SHROOM2: variants seen among roughly 807,000 people sequenced by gnomAD.
SHROOM2 encodes the protein shroom family member 2.
Under a neutral mutation model 75.9 loss-of-function variants are expected in SHROOM2, and 33 were observed. The observed-to-expected ratio is 0.43, with a 90% CI of 0.33 to 0.58. SHROOM2 has a LOEUF of 0.58. SHROOM2 is among the 20% of genes least tolerant of loss of function. The probability of loss-of-function intolerance (pLI) is 0.04; values close to 1 mark genes in which losing one functional copy is unlikely to be tolerated. For synonymous variants in SHROOM2, 655 were observed against 663.6 expected, an observed-to-expected ratio of 0.99 and a Z score of 0.20; for missense variants, 1,434 against 1,461.2, an observed-to-expected ratio of 0.98 and a Z score of 0.30.
rs2084331379 is a variant in SHROOM2, at chrX:9,896,385, C to T, written c.2477C>T (p.Pro826Leu). The T allele has an allele frequency of 3.3e-6, 4 of 1,211,447 alleles. No homozygotes were observed. The African/African-American group carries it at 5.2e-5, about 16-fold the overall frequency. Reference protein sequence around the residue: ...QALHGIPRDKPERPRTAGRTC... With the variant: ...QALHGIPRDKLERPRTAGRTC... ...CTTCACGGAATCCCGAGAGACAAGC[C>T]AGAGAGGCCGCGGACAGCGGGCCGC... Residue 826 changes from proline (P) to leucine (L), a missense_variant, in exon 4 of 10, where the codon CCA becomes CTA. By Grantham distance (98) the Pro-to-Leu change is moderately conservative. Transcript: ENST00000380913.
rs781021720 is a variant in SHROOM2, at chrX:9,896,643, C to T, written c.2735C>T (p.Pro912Leu). The stretch of plus-strand genomic sequence containing the variant: ...GTGAGCCTGGACCCACAGGAGAGGC[C>T]GCAGCACGTTCATGGGAGGTCCCGG... ...LDVSLDPQER[P>L]QHVHGRSRSS... The change falls in exon 4 of 10, where the codon CCG (proline) becomes CTG (leucine). Residue 912 changes from proline (P) to leucine (L), a missense_variant. This residue lies in a region of SHROOM2 where 1,340 missense variants were observed against 1,338.3 expected (regional missense o/e 1.00). Transcript: ENST00000380913. 5.8e-6 allele frequency: 7 copies of T among 1,205,436 alleles called. No homozygotes were observed. The East Asian group carries it at 8.9e-5, about 15-fold the overall frequency.
intron 1 of SHROOM2, among the ~76,000 whole-genome samples, chrX:9,807,134 G>A (rs5978341): frequency 0.023 from 2,579 of 111,878 alleles, 71 homozygotes; most frequent in African/African-American, 0.077. Flanking sequence ...CTGGATTCAG[G>A]AGCCTCATGA....
intron 5 of SHROOM2, among the ~76,000 whole-genome samples, chrX:9,925,353 G>T (rs1401713808): frequency 3.5e-5 from 4 of 112,715 alleles, no homozygotes; most frequent in African/African-American, 9.7e-5. Flanking sequence ...CACCTGCCTG[G>T]CAGCGTCTGA....
intron 1 of SHROOM2, among the ~76,000 whole-genome samples, chrX:9,816,309 G>A (rs954072872): frequency 1.8e-5 from 2 of 112,466 alleles, no homozygotes; most frequent in Admixed American, 9.4e-5. Flanking sequence ...CAGGCATAGC[G>A]CTTGTGATTT....
chrX:9,794,426 A>G (rs2083683721), intron 1 of SHROOM2, among the ~76,000 whole-genome samples: 1 of 110,727 alleles, frequency 9.0e-6, no homozygotes, highest in East Asian at 2.8e-4. Context: ...CTGGAGTGCA[A>G]TGGCGAGATC....
chrX:9,814,309 TA>T (rs913762368), intron 1 of SHROOM2, among the ~76,000 whole-genome samples: 2 of 111,822 alleles, frequency 1.8e-5, no homozygotes, highest in African/African-American at 6.5e-5. Context: ...AGTCCCTACT[TA>T]GTGGGCCCAA....
intron 5 of SHROOM2, among the ~76,000 whole-genome samples, chrX:9,931,654 C>A (rs939981437): frequency 3.6e-5 from 4 of 110,847 alleles, no homozygotes; most frequent in African/African-American, 9.8e-5. Context: ...TTTAAAAGAG[C>A]CTTTGTTGGT....
Position 9,875,080 on chromosome X carries a change from CAAAAAAAAAAAAA to C in SHROOM2, c.317+1295_317+1307del, listed in dbSNP as rs375824306. Among the ~76,000 whole-genome samples, 51 of 12,339 alleles carry C rather than the reference CAAAAAAAAAAAAA, an allele frequency of 4.1e-3. 2 individuals carry two copies. The highest frequency in any genetic ancestry group is 0.036 in the South Asian group (3 of 84). The allele number at this position is 12,339 out of a possible 115,157, so 10.7% of individuals were successfully genotyped here. A position where few individuals can be genotyped will look rare whatever the true frequency, so the allele number is the denominator to read the frequency against. On this transcript the variant is annotated intron_variant, in intron 2 of 9. Coordinates refer to ENST00000380913, the MANE Select transcript of SHROOM2 (RefSeq NM_001649.4). ...TGGGTGACAGAGCAAGACCCTGTCT[CAAAAAAAAAAAAA>C]AAAAAAAAAAAAAAAAAGGGGAGGA... is the stretch of plus-strand genomic sequence containing the variant.
At chrX:9,851,859 TTATTA>T in intron 1 of SHROOM2, among the ~76,000 whole-genome samples, 1 of 111,803 alleles carries the variant, frequency 8.9e-6, no homozygotes, top group Admixed American at 9.5e-5. Flanking sequence ...GTTCAAAACT[TTATTA>T]TATAGTAAAA....
At chrX:9,787,338 T>TTGTG (rs57947526) in intron 1 of SHROOM2, among the ~76,000 whole-genome samples, 729 of 108,818 alleles carry the variant, frequency 6.7e-3, no homozygotes, top group Non-Finnish European at 0.011. Context: ...ATCAGGAATG[T>TTGTG]TGTGTGTGTG....
chrX:9,897,680 C>CAAAAAAAAAAAAAAAAAAAAAAAA (rs56026461), intron 4 of SHROOM2, among the ~76,000 whole-genome samples: 7 of 70,611 alleles, frequency 9.9e-5, no homozygotes, highest in African/African-American at 4.2e-4. Context: ...GACCCTGTCT[C>CAAAAAAAAAAAAAAAAAAAAAAAA]AAAAAAAAAA....
chrX:9,934,309 A>G (rs1283295941), intron 6 of SHROOM2, among the ~76,000 whole-genome samples: 2 of 111,559 alleles, frequency 1.8e-5, no homozygotes, highest in Non-Finnish European at 3.8e-5. Context: ...TAGAGTCTCA[A>G]GTAATTTTTT....
intron 1 of SHROOM2, among the ~76,000 whole-genome samples, chrX:9,823,755 T>C (rs2083873090): frequency 1.4e-5 from 1 of 69,635 alleles, no homozygotes; most frequent in African/African-American, 4.4e-5. Flanking sequence ...TTTTCTTTTT[T>C]CTTTTTTCTT....
At chrX:9,818,761 C>T in intron 1 of SHROOM2, 1 of 468,826 alleles carries the variant, frequency 2.1e-6, no homozygotes, top group East Asian at 3.7e-5. Context: ...ATCAATGATA[C>T]CCTCTTCTTT....
At chrX:9,846,782 A>G (rs760934510) in intron 1 of SHROOM2, among the ~76,000 whole-genome samples, 1 of 112,304 alleles carries the variant, frequency 8.9e-6, no homozygotes, top group South Asian at 3.7e-4. Context: ...CATTTTGAAC[A>G]TGGATTTGGC....
intron 1 of SHROOM2, among the ~76,000 whole-genome samples, chrX:9,808,888 A>G (rs2083774702): frequency 9.0e-6 from 1 of 110,610 alleles, no homozygotes; most frequent in Non-Finnish European, 1.9e-5. Context: ...AAATAAATGG[A>G]TGTAATTCAC....
At chrX:9,878,306 C>A (rs2084212294) in intron 2 of SHROOM2, among the ~76,000 whole-genome samples, 1 of 111,489 alleles carries the variant, frequency 9.0e-6, no homozygotes, top group Non-Finnish European at 1.9e-5. Context: ...TCACTTCCTG[C>A]CTCTTTGCTG....
At chrX:9,894,142 G>A (rs979649039) in intron 3 of SHROOM2, among the ~76,000 whole-genome samples, 2 of 110,617 alleles carry the variant, frequency 1.8e-5, no homozygotes, top group African/African-American at 6.6e-5. Flanking sequence ...GTAACAGGGA[G>A]GACACAGTCT....
chrX:9,844,165 A>G (rs2083993686), intron 1 of SHROOM2, among the ~76,000 whole-genome samples: 1 of 111,886 alleles, frequency 8.9e-6, no homozygotes, highest in Admixed American at 9.5e-5. Context: ...TCTGCTGAGT[A>G]TGTCCTGTGG....
Sources: gnomAD v4.1 joint callset for allele counts (sites outside exome capture counted in the v4.1 genomes callset) on GRCh38, gnomAD v4.1.1 for gene constraint, gnomAD v4.1.1 regional missense constraint, MANE v1.5 for transcripts, NCBI Gene and HGNC (gene_info 2026-07-23, HGNC 2026-07-21) for gene names.